GRIK1: variants seen among roughly 807,000 people sequenced by gnomAD.
The protein encoded by GRIK1 is glutamate ionotropic receptor kainate type subunit 1.
GRIK1 carries 69 observed loss-of-function variants against 105.7 expected under a neutral mutation model. That is an observed-to-expected ratio of 0.65 (90% CI 0.54 to 0.80). The LOEUF (loss-of-function observed/expected upper bound fraction) is 0.80. Among genes scored for constraint, GRIK1 ranks in the 30% least tolerant of loss-of-function variants. GRIK1 has a pLI of 0.00. For synonymous variants in GRIK1, 438 were observed against 431.3 expected (o/e 1.02, Z -0.19); for missense variants, 1,109 against 1,167.3 (o/e 0.95, Z 0.73).
chr21:29,909,516 A>T (rs1481784827), intron 1 of GRIK1, among the ~76,000 whole-genome samples: 1 of 152,006 alleles, frequency 6.6e-6, no homozygotes, highest in Non-Finnish European at 1.5e-5. Context: ...ATGGCTTCAA[A>T]TAAGGCAACT....
At chr21:29,658,160 C>G (rs745677477) in intron 4 of GRIK1, among the ~76,000 whole-genome samples, 1 of 152,232 alleles carries the variant, frequency 6.6e-6, no homozygotes, top group Non-Finnish European at 1.5e-5. Context: ...GTCACACACA[C>G]TAAAATGTAA....
chr21:29,820,000 A>ACTT lies in GRIK1; in HGVS notation c.118+119380_118+119382dup, dbSNP rs138090520. ...GTTTTTTAACATTAAATATATAAAG[A>ACTT]CTTTGAAAGATGTGACCAAAGAAAG... On this transcript the variant is annotated intron_variant, in intron 1 of 17. Transcript: ENST00000327783. 7.1e-3 allele frequency among the ~76,000 whole-genome samples: 1,083 copies of ACTT among 152,044 alleles called. 8 individuals are homozygous for ACTT. Among genetic ancestry groups the ACTT allele is most frequent in the African/African-American group, 0.025 (1,036 of 41,488 alleles).
At chr21:29,559,125 G>A (rs1464633447) in intron 15 of GRIK1, among the ~76,000 whole-genome samples, 1 of 152,108 alleles carries the variant, frequency 6.6e-6, no homozygotes, top group Non-Finnish European at 1.5e-5. Flanking sequence ...TTAGTCTAGA[G>A]ATGGTTCTAT....
At chr21:29,700,300 C>T (rs1330619919) in intron 1 of GRIK1, among the ~76,000 whole-genome samples, 1 of 152,086 alleles carries the variant, frequency 6.6e-6, no homozygotes, top group Non-Finnish European at 1.5e-5. Context: ...GAAGGGTTGC[C>T]ATGAAGGATG....
intron 1 of GRIK1, among the ~76,000 whole-genome samples, chr21:29,902,049 A>G (rs1215629002): frequency 6.6e-6 from 1 of 152,210 alleles, no homozygotes; most frequent in Admixed American, 6.5e-5. Flanking sequence ...CAAAAACCAC[A>G]TGATTATCTC....
chr21:29,690,120 C>T, intron 2 of GRIK1, 135 bp from the exon 3 acceptor site: 1 of 709,568 alleles, frequency 1.4e-6, no homozygotes. Flanking sequence ...CTTTTACAAT[C>T]CCTGTCTGCA....
At chr21:29,899,210 G>T (rs1319462859) in intron 1 of GRIK1, among the ~76,000 whole-genome samples, 1 of 152,284 alleles carries the variant, frequency 6.6e-6, no homozygotes, top group South Asian at 2.1e-4. Flanking sequence ...ACCTAAATTT[G>T]TGATTAGGTC....
At chr21:29,873,153 A>T (rs2069078399) in intron 1 of GRIK1, among the ~76,000 whole-genome samples, 1 of 152,228 alleles carries the variant, frequency 6.6e-6, no homozygotes, top group Non-Finnish European at 1.5e-5. Context: ...GAAATCTCAT[A>T]GTTTGTTTCC....
chr21:29,812,267 G>T (rs2067030580), intron 1 of GRIK1, among the ~76,000 whole-genome samples: 8 of 152,120 alleles, frequency 5.3e-5, no homozygotes, highest in Admixed American at 5.2e-4. Flanking sequence ...GGGAAATCAT[G>T]AATGAATAAG....
At chr21:29,772,536 A>T (rs772249302) in intron 1 of GRIK1, among the ~76,000 whole-genome samples, 1 of 152,206 alleles carries the variant, frequency 6.6e-6, no homozygotes, top group Non-Finnish European at 1.5e-5. Context: ...TCAAGGACAA[A>T]GTTTTATCTT....
At position 29,577,059 on chromosome 21, in the gene GRIK1, T is replaced by C; in HGVS notation, c.2035A>G (p.Met679Val). 6.2e-7 allele frequency: 1 copy of C among 1,613,478 alleles called. No homozygotes were observed. The highest frequency in any genetic ancestry group is 8.5e-7 in the Non-Finnish European group (1 of 1,179,428). Residue 679 changes from methionine to valine, a missense_variant, in exon 14 of 18, where the codon ATG becomes GTG. Coordinates refer to ENST00000327783, the MANE Select transcript of GRIK1 (RefSeq NM_001330994.2). ...NLAAFLTVER[M>V]ESPIDSADDL... Reference sequence around the variant, plus strand: ...TCTGCCGAATCTATGGGGGATTCCATTCTCTCTACTGTCAAGAAGGCAGCC... The same window carrying C: ...TCTGCCGAATCTATGGGGGATTCCACTCTCTCTACTGTCAAGAAGGCAGCC...
intron 1 of GRIK1, among the ~76,000 whole-genome samples, chr21:29,842,527 C>T (rs976088742): frequency 1.3e-5 from 2 of 152,112 alleles, no homozygotes; most frequent in East Asian, 1.9e-4. Context: ...TAACTTCAGA[C>T]GAAAGAACAT....
At chr21:29,674,519 T>C (rs1384766480) in intron 3 of GRIK1, among the ~76,000 whole-genome samples, 1 of 152,126 alleles carries the variant, frequency 6.6e-6, no homozygotes, top group African/African-American at 2.4e-5. Flanking sequence ...TCCCGAATTG[T>C]AATCCCCATG....
intron 1 of GRIK1, among the ~76,000 whole-genome samples, chr21:29,888,109 G>A (rs28439501): frequency 4.0e-5 from 6 of 150,880 alleles, no homozygotes; most frequent in African/African-American, 1.5e-4. Flanking sequence ...TGCACTCCTT[G>A]CCTCCTTGTC....
chr21:29,745,996 C>T (rs953122710), intron 1 of GRIK1, among the ~76,000 whole-genome samples: 2 of 151,834 alleles, frequency 1.3e-5, no homozygotes, highest in African/African-American at 4.8e-5. Flanking sequence ...CCCAGCTACT[C>T]GGGAGGCTGA....
chr21:29,772,619 T>C (rs1198131131), intron 1 of GRIK1, among the ~76,000 whole-genome samples: 1 of 152,178 alleles, frequency 6.6e-6, no homozygotes, highest in Non-Finnish European at 1.5e-5. Context: ...AAAAACTAAT[T>C]GCAGTTCTAA....
chr21:29,696,724 G>A lies in GRIK1; in HGVS notation c.119-2661C>T, dbSNP rs184188806. 1.2e-3 allele frequency among the ~76,000 whole-genome samples: 181 copies of A among 152,250 alleles called. 1 individual carries two copies. The highest frequency in any genetic ancestry group is 4.1e-3 in the African/African-American group (172 of 41,546). The stretch of plus-strand genomic sequence containing the variant: ...GTCTTACTCAGAATCAGCATCCTTG[G>A]GGAGACCAAGGCATCTTTAGGACGT... On this transcript the variant is annotated intron_variant, in intron 1 of 17. Coordinates refer to ENST00000327783, the MANE Select transcript of GRIK1 (RefSeq NM_001330994.2).
chr21:29,595,440 G>C (rs962960809), intron 9 of GRIK1, among the ~76,000 whole-genome samples: 15 of 150,360 alleles, frequency 1.0e-4, no homozygotes, highest in African/African-American at 3.7e-4. Flanking sequence ...CATGCACTTA[G>C]TAGCCTTGTT....
At chr21:29,579,141 TGGATA>T (rs930945481) in intron 13 of GRIK1, among the ~76,000 whole-genome samples, 4 of 152,228 alleles carry the variant, frequency 2.6e-5, no homozygotes, top group African/African-American at 9.6e-5. Context: ...TTTAAACTTT[TGGATA>T]AAGTTACCTT....
Sources: gnomAD v4.1 joint callset for allele counts (sites outside exome capture counted in the v4.1 genomes callset) on GRCh38, gnomAD v4.1.1 for gene constraint, MANE v1.5 for transcripts, NCBI Gene and HGNC (gene_info 2026-07-23, HGNC 2026-07-21) for gene names.